CYLD: variants seen among roughly 807,000 people sequenced by gnomAD.
The protein encoded by CYLD is ubiquitin carboxyl-terminal hydrolase CYLD.
CYLD carries 26 observed loss-of-function variants against 104.5 expected under a neutral mutation model. That is an observed-to-expected ratio of 0.25 (90% CI 0.18 to 0.35). CYLD has a LOEUF of 0.35. Ranked by LOEUF, CYLD falls within the 10% of genes least tolerant of loss-of-function variation. The pLI is 1.00. For missense variants in CYLD, 703 were observed against 1,136.1 expected, an observed-to-expected ratio of 0.62 and a Z score of 5.48; for synonymous variants, 385 against 399.9, an observed-to-expected ratio of 0.96 and a Z score of 0.45.
intron 5 of CYLD, among the ~76,000 whole-genome samples, chr16:50,756,788 A>G (rs3135501): frequency 0.58 from 88,212 of 152,066 alleles, 26,817 homozygotes; most frequent in African/African-American, 0.75. Flanking sequence ...TTATAATGTA[A>G]GTCTTAATGA....
intron 7 of CYLD, among the ~76,000 whole-genome samples, chr16:50,776,570 T>C (rs1969706290): frequency 6.6e-6 from 1 of 152,182 alleles, no homozygotes; most frequent in Non-Finnish European, 1.5e-5. Context: ...TAGTTTAGGA[T>C]TGCAACTGTG....
At chr16:50,783,641 C>T (rs920830052) in intron 11 of CYLD, among the ~76,000 whole-genome samples, 4 of 152,020 alleles carry the variant, frequency 2.6e-5, no homozygotes, top group Admixed American at 6.5e-5. Flanking sequence ...CGGGTTCAAG[C>T]GATTCTCCTA....
Position 50,796,568 on chromosome 16 carries a change from C to G in CYLD, c.*60C>G, listed in dbSNP as rs866233263. The G allele has an allele frequency of 1.3e-6, 2 of 1,553,126 alleles. No homozygotes were observed. The highest frequency in any genetic ancestry group is 2.2e-5 in the South Asian group (2 of 89,644). ...CAGAGTCCTAACGTTGCATCTTATTCGAGCTGGCAGTTCTGTTCACGTCCA... is the reference window on the plus strand; with the variant it reads ...CAGAGTCCTAACGTTGCATCTTATTGGAGCTGGCAGTTCTGTTCACGTCCA... On this transcript the variant is annotated 3_prime_UTR_variant, in exon 19 of 19. Transcript: ENST00000427738.
chr16:50,756,087 C>T (rs1967202876), intron 5 of CYLD, among the ~76,000 whole-genome samples: 1 of 152,018 alleles, frequency 6.6e-6, no homozygotes, highest in South Asian at 2.1e-4. Context: ...ATTTTTAGAA[C>T]TTGACTTTTA....
In CYLD at chr16:50,790,450, AT is replaced by A. The variant is rs888631460; in HGVS notation, c.2109-1098del. ...TCCTGGTTTCTTATTTTCCTCTCTT[AT>A]TTTTTTTTTCCTGTAAACTGTTAAT... On this transcript the variant is annotated intron_variant, in intron 14 of 18. Coordinates refer to ENST00000427738, the MANE Select transcript of CYLD (RefSeq NM_001378743.1). Among the ~76,000 whole-genome samples, 107 of 147,230 alleles carry A rather than the reference AT, an allele frequency of 7.3e-4. 1 individual carries two copies. The highest frequency in any genetic ancestry group is 2.3e-3 in the African/African-American group (93 of 40,074).
intron 6 of CYLD, among the ~76,000 whole-genome samples, chr16:50,775,613 A>G (rs1328239850): frequency 6.6e-6 from 1 of 152,206 alleles, no homozygotes; most frequent in African/African-American, 2.4e-5. Flanking sequence ...TGTTCATGAA[A>G]TAATATTAAT....
chr16:50,750,531 C>T (rs1001550373), intron 3 of CYLD, among the ~76,000 whole-genome samples: 3 of 152,134 alleles, frequency 2.0e-5, no homozygotes, highest in African/African-American at 7.2e-5. Context: ...TTTTGACATT[C>T]TTGCAAATAG....
At chr16:50,756,073 A>G (rs1372868201) in intron 5 of CYLD, among the ~76,000 whole-genome samples, 2 of 152,198 alleles carry the variant, frequency 1.3e-5, no homozygotes, top group Non-Finnish European at 2.9e-5. Flanking sequence ...AAGCTTCAAG[A>G]TATATTTTTA....
intron 2 of CYLD, among the ~76,000 whole-genome samples, chr16:50,749,311 C>G (rs577688542): frequency 6.6e-6 from 1 of 152,306 alleles, no homozygotes; most frequent in East Asian, 1.9e-4. Flanking sequence ...GTCTTGGAAG[C>G]AAACATTGTG....
Position 50,782,371 on chromosome 16 carries a change from A to G in CYLD, c.1731A>G (p.Pro577=). 1 of 1,613,672 alleles carries G rather than the reference A, an allele frequency of 6.2e-7. No homozygotes were observed. Among genetic ancestry groups the G allele is most frequent in the Non-Finnish European group, 8.5e-7 (1 of 1,179,582 alleles). The stretch of plus-strand genomic sequence containing the variant: ...AAGTAGTAGAAGAAAATACTCCACC[A>G]AAAATGGAAAAAGAAGGCTTGGAGA... ...LSEVVEENTP[P]KMEKEGLEIM... is the part of the protein sequence containing the mutation. The change falls in exon 11 of 19, where the codon CCA becomes CCG. Residue 577 remains proline, a synonymous_variant. Transcript: ENST00000427738.
chr16:50,790,492 G>A (rs1484855804), intron 14 of CYLD, among the ~76,000 whole-genome samples: 1 of 151,032 alleles, frequency 6.6e-6, no homozygotes, highest in Non-Finnish European at 1.5e-5. Flanking sequence ...ATGCTTTTTG[G>A]CTTTCACAGA....
intron 5 of CYLD, among the ~76,000 whole-genome samples, chr16:50,760,209 T>C (rs1967746591): frequency 6.6e-6 from 1 of 152,224 alleles, no homozygotes; most frequent in Non-Finnish European, 1.5e-5. Context: ...ATTTAGGGTT[T>C]TCTTTTTCAT....
rs1203324312 is a variant in CYLD at position 50,801,173 on chromosome 16, T to A, written c.*4665T>A. ...TCTGAATCCTGGAGCAGCTGAAGGTTTTCTCTTGAGTCAGGATGCAGTGGT... is the reference window on the plus strand; with the variant it reads ...TCTGAATCCTGGAGCAGCTGAAGGTATTCTCTTGAGTCAGGATGCAGTGGT... On this transcript the variant is annotated 3_prime_UTR_variant, in exon 19 of 19. Coordinates refer to ENST00000427738, the MANE Select transcript of CYLD (RefSeq NM_001378743.1). 1 of 233,324 alleles carries A rather than the reference T, an allele frequency of 4.3e-6. No homozygotes were observed. The highest frequency in any genetic ancestry group is 8.5e-6 in the Non-Finnish European group (1 of 118,070). The allele number at this position is 233,324 out of a possible 1,614,324, so 14.5% of individuals were successfully genotyped here.
At chr16:50,768,117 G>T (rs1435156867) in intron 5 of CYLD, among the ~76,000 whole-genome samples, 1 of 152,022 alleles carries the variant, frequency 6.6e-6, no homozygotes, top group Non-Finnish European at 1.5e-5. Context: ...GAAAGAAAAA[G>T]AATGATATTT....
Position 50,749,633 on chromosome 16 carries a change from C to A in CYLD, c.-66C>A, listed in dbSNP as rs1046734074. ...GGACTGCCACTGAATTTATCTTTTG[C>A]GGTTTTATGACAAAGTTATTAGTAG... On this transcript the variant is annotated 5_prime_UTR_variant, in exon 3 of 19. It introduces an in-frame stop codon into an upstream open reading frame of the 5' UTR. Coordinates refer to ENST00000427738, the MANE Select transcript of CYLD (RefSeq NM_001378743.1). 2.0e-6 allele frequency: 3 copies of A among 1,516,638 alleles called. No individual in the cohort carries two copies. The highest frequency in any genetic ancestry group is 1.8e-6 in the Non-Finnish European group (2 of 1,105,934). The allele number at this position is 1,516,638 out of a possible 1,614,324, so 93.9% of individuals were successfully genotyped here. A position where few individuals can be genotyped will look rare whatever the true frequency, so the allele number is the denominator to read the frequency against.
intron 5 of CYLD, among the ~76,000 whole-genome samples, chr16:50,755,006 CATATATATGTATATATACATATATAT>C (rs1966883102): frequency 9.2e-5 from 1 of 10,900 alleles, no homozygotes; most frequent in African/African-American, 2.9e-4. Context: ...TGTATATATA[CATATATATGTATATATACATATATAT>C]GTATATATAC....
At chr16:50,770,443 T>C (rs2150966357) in intron 5 of CYLD, among the ~76,000 whole-genome samples, 1 of 151,986 alleles carries the variant, frequency 6.6e-6, no homozygotes, top group Non-Finnish European at 1.5e-5. Flanking sequence ...TATATTCTTT[T>C]TCTTTCTTTC....
chr16:50,768,254 TTAAAAAC>T (rs749882007), intron 5 of CYLD, among the ~76,000 whole-genome samples: 288 of 152,288 alleles, frequency 1.9e-3, no homozygotes, highest in Non-Finnish European at 2.4e-3. Context: ...CAAATAGACT[TTAAAAAC>T]TAAAGTTGTT....
At chr16:50,767,358 A>G (rs1472355609) in intron 5 of CYLD, among the ~76,000 whole-genome samples, 1 of 152,214 alleles carries the variant, frequency 6.6e-6, no homozygotes. Flanking sequence ...ACTGGGAAAC[A>G]AAAACACTTG....
Sources: allele counts gnomAD v4.1 joint callset (sites outside exome capture counted in the v4.1 genomes callset), GRCh38; gene constraint gnomAD v4.1.1; transcripts MANE v1.5; gene names NCBI Gene and HGNC (gene_info 2026-07-23, HGNC 2026-07-21).